MME: variants seen among roughly 807,000 people sequenced by gnomAD.
MME encodes the protein neprilysin.
MME carries 98 observed loss-of-function variants against 113.2 expected under a neutral mutation model. That is an observed-to-expected ratio of 0.87 (90% CI 0.74 to 1.02). The LOEUF (loss-of-function observed/expected upper bound fraction) is 1.02. Among genes scored for constraint, MME ranks in the 50% least tolerant of loss-of-function variants. The pLI is 0.00. For missense variants in MME, 836 were observed against 896.0 expected (o/e 0.93, Z 0.86); for synonymous variants, 292 against 300.6 (o/e 0.97, Z 0.30).
intron 17 of MME, among the ~76,000 whole-genome samples, chr3:155,163,694 A>G (rs1325231949): frequency 6.6e-6 from 1 of 152,108 alleles, no homozygotes; most frequent in Non-Finnish European, 1.5e-5. Context: ...AATTTCTCAA[A>G]TGTGTAAGTT....
chr3:155,112,930 A>G (rs2108245644), intron 3 of MME, among the ~76,000 whole-genome samples: 1 of 152,334 alleles, frequency 6.6e-6, no homozygotes, highest in African/African-American at 2.4e-5. Flanking sequence ...AGGTATTTAC[A>G]ATGAAAAACT....
chr3:155,179,979 C>A (rs1248017511), intron 22 of MME, among the ~76,000 whole-genome samples: 1 of 152,156 alleles, frequency 6.6e-6, no homozygotes, highest in Non-Finnish European at 1.5e-5. Context: ...TATAATACAA[C>A]TCCAAATACC....
chr3:155,131,337 C>T lies in MME; in HGVS notation c.721-6765C>T, dbSNP rs141443987. Among the ~76,000 whole-genome samples the T allele has an allele frequency of 1.3e-3, 192 of 152,220 alleles. 2 individuals are homozygous for T. Among genetic ancestry groups the T allele is most frequent in the African/African-American group, 4.2e-3 (173 of 41,528 alleles). On this transcript the variant is annotated intron_variant, in intron 8 of 22. Transcript: ENST00000360490. ...TCGGCCAATATGTGCCTCAGTGATA[C>T]GTGGCGGAGCTTGTCTCACTGCATA...
chr3:155,061,322 G>A (rs564488464), intron 1 of MME, among the ~76,000 whole-genome samples: 13 of 151,892 alleles, frequency 8.6e-5, no homozygotes, highest in Admixed American at 4.6e-4. Context: ...GTGGTGGCAG[G>A]AGCCTGTAGT....
chr3:155,130,893 C>T (rs1720095213), intron 8 of MME, among the ~76,000 whole-genome samples: 1 of 152,024 alleles, frequency 6.6e-6, no homozygotes, highest in South Asian at 2.1e-4. Flanking sequence ...TGAGCTTATG[C>T]TATGTGACAG....
intron 17 of MME, among the ~76,000 whole-genome samples, chr3:155,160,991 C>A (rs1316080640): frequency 6.6e-6 from 1 of 151,964 alleles, no homozygotes; most frequent in Non-Finnish European, 1.5e-5. Context: ...ATTGTATTTA[C>A]CTAGCCACAA....
At chr3:155,060,829 C>CAG (rs138935329) in intron 1 of MME, among the ~76,000 whole-genome samples, 9,310 of 137,640 alleles carry the variant, frequency 0.068, 487 homozygotes, top group African/African-American at 0.15. Context: ...TGCAGAGAGG[C>CAG]AGAGAGAGAG....
At chr3:155,103,618 A>G (rs772035390) in intron 3 of MME, among the ~76,000 whole-genome samples, 8 of 152,196 alleles carry the variant, frequency 5.3e-5, no homozygotes, top group Non-Finnish European at 1.0e-4. Flanking sequence ...CTAATTTTCT[A>G]CTTGGGTGTA....
intron 3 of MME, among the ~76,000 whole-genome samples, chr3:155,107,340 G>T (rs942627905): frequency 7.0e-6 from 1 of 143,748 alleles, no homozygotes; most frequent in Non-Finnish European, 1.5e-5. Flanking sequence ...GCAACAGAAT[G>T]AGACTCTGTC....
intron 1 of MME, among the ~76,000 whole-genome samples, chr3:155,070,569 A>C (rs530199417): frequency 2.4e-4 from 36 of 152,316 alleles, no homozygotes; most frequent in African/African-American, 8.7e-4. Flanking sequence ...TTATCTTTGC[A>C]AAAGGATTGG....
At chr3:155,063,987 C>T (rs1028393481) in intron 1 of MME, among the ~76,000 whole-genome samples, 16 of 149,496 alleles carry the variant, frequency 1.1e-4, no homozygotes, top group Non-Finnish European at 2.9e-5. Context: ...TAGGACTAAT[C>T]CTCATAAGAA....
At chr3:155,118,637 A>G in intron 7 of MME, 109 bp from the exon 8 acceptor site, 1 of 756,756 alleles carries the variant, frequency 1.3e-6, no homozygotes, top group South Asian at 1.5e-5. Flanking sequence ...GTCACCCCAT[A>G]AACAGCAAGA....
intron 8 of MME, among the ~76,000 whole-genome samples, chr3:155,119,507 G>A (rs1255093331): frequency 6.7e-5 from 9 of 133,402 alleles, no homozygotes; most frequent in South Asian, 2.5e-4. Flanking sequence ...ATGCTGGTGC[G>A]CTGCACCCAC....
chr3:155,055,623 T>C (rs564811758), intron 1 of MME, among the ~76,000 whole-genome samples: 45 of 152,026 alleles, frequency 3.0e-4, no homozygotes, highest in African/African-American at 1.0e-3. Context: ...TTTATATAAT[T>C]CCACCATTTA....
chr3:155,026,222 A>C lies in MME; in HGVS notation c.-11+1898A>C, dbSNP rs550210815. The stretch of plus-strand genomic sequence containing the variant: ...GGGGTGGGTGGAGTTGTTTTAAGGA[A>C]CACTCCCAGCTCAGTGTCCATTTAT... On this transcript the variant is annotated intron_variant, in intron 1 of 22. Transcript: ENST00000492661. Among the ~76,000 whole-genome samples the C allele has an allele frequency of 3.2e-3, 494 of 152,050 alleles. 3 individuals are homozygous for C. Among genetic ancestry groups the C allele is most frequent in the African/African-American group, 0.011 (448 of 41,478 alleles).
upstream of MME, among the ~76,000 whole-genome samples, chr3:155,077,684 G>A (rs995564397): frequency 1.3e-5 from 2 of 151,712 alleles, no homozygotes; most frequent in African/African-American, 4.9e-5. Context: ...AGACCAGCCT[G>A]GGCAACACAG....
rs773446939 is a variant in MME at position 155,142,060 on chromosome 3, G to T, written c.1027G>T (p.Asp343Tyr). ...GAATATTAGTATTACAAATGAGGAA[G>T]ATGTGGTTGTTTATGCTCCAGAATA... ...TVNISITNEE[D>Y]VVVYAPEYLT... Residue 343 changes from aspartate to tyrosine, a missense_variant, in exon 11 of 23, where the codon GAT (aspartate) becomes TAT (tyrosine). By Grantham distance (160) the Asp-to-Tyr change is radical (BLOSUM62 -3). Coordinates refer to ENST00000360490, the MANE Select transcript of MME (RefSeq NM_007289.4). The T allele has an allele frequency of 1.9e-6, 3 of 1,613,760 alleles. No individual in the cohort carries two copies. Among genetic ancestry groups the T allele is most frequent in the Non-Finnish European group, 2.5e-6 (3 of 1,179,750 alleles).
At chr3:155,044,191 T>G (rs111797204) in intron 1 of MME, among the ~76,000 whole-genome samples, 14,206 of 148,206 alleles carry the variant, frequency 0.096, 1,165 homozygotes, top group African/African-American at 0.22. Flanking sequence ...GGAGTGCAGT[T>G]GTGCAATTTC....
At chr3:155,159,322 C>T (rs545253466) in intron 16 of MME, among the ~76,000 whole-genome samples, 1 of 152,102 alleles carries the variant, frequency 6.6e-6, no homozygotes, top group African/African-American at 2.4e-5. Context: ...GTCATACTAA[C>T]AGTTGCCATG....
Sources: gnomAD v4.1 joint callset for allele counts (sites outside exome capture counted in the v4.1 genomes callset) on GRCh38, gnomAD v4.1.1 for gene constraint, MANE v1.5 for transcripts, NCBI Gene and HGNC (gene_info 2026-07-23, HGNC 2026-07-21) for gene names.